UBXN7: variants seen among roughly 807,000 people sequenced by gnomAD.
UBXN7 encodes UBX domain-containing protein 7.
UBXN7 carries 9 observed loss-of-function variants against 58.0 expected under a neutral mutation model. The ratio of observed to expected loss-of-function variants is 0.16; its 90% confidence interval spans 0.09 to 0.27. The LOEUF (loss-of-function observed/expected upper bound fraction) is 0.27, where lower values mean the gene tolerates loss of function less well. UBXN7 is among the 10% of genes least tolerant of loss of function. The pLI is 1.00. For synonymous variants in UBXN7, 208 were observed against 205.0 expected (o/e 1.01, Z -0.12); for missense variants, 328 against 599.6 (o/e 0.55, Z 4.73).
In UBXN7 at chr3:196,369,525, G is replaced by T; in HGVS notation, c.616-14C>A. On this transcript the variant is annotated splice_polypyrimidine_tract_variant and intron_variant, in intron 6 of 10. Transcript: ENST00000296328. ...GTCATGATAAACCTGTTAAATCATT[G>T]ATATAAAAAAAAAAGTCAGCCTCTA... The T allele has an allele frequency of 6.3e-7, 1 of 1,577,712 alleles. No individual in the cohort carries two copies. Among genetic ancestry groups the T allele is most frequent in the Non-Finnish European group, 8.6e-7 (1 of 1,161,248 alleles).
Position 196,355,614 on chromosome 3 carries a change from T to A in UBXN7, c.*1071A>T, listed in dbSNP as rs1444090327. 6.6e-6 allele frequency: 1 copy of A among 152,238 alleles called. No individual in the cohort carries two copies. The highest frequency in any genetic ancestry group is 6.5e-5 in the Admixed American group (1 of 15,286). The allele number at this position is 152,238 out of a possible 1,614,324, so 9.4% of individuals were successfully genotyped here. Reference sequence around the variant, plus strand: ...TCAGTCACCAGAGCCTTTTAGAGACTATTCCAACCAGGGGCAAAAAATGAA... The same window carrying A: ...TCAGTCACCAGAGCCTTTTAGAGACAATTCCAACCAGGGGCAAAAAATGAA... On this transcript the variant is annotated 3_prime_UTR_variant, in exon 11 of 11. Coordinates refer to ENST00000296328, the MANE Select transcript of UBXN7 (RefSeq NM_015562.2).
At position 196,432,079 on chromosome 3, in the gene UBXN7, C is replaced by A. The variant is rs1032048536; in HGVS notation, c.73+248G>T. 4.7e-5 allele frequency: 29 copies of A among 617,254 alleles called. 1 individual carries two copies. In the African/African-American group the frequency reaches 5.1e-4, roughly 11 times the overall value. The allele number at this position is 617,254 out of a possible 1,614,324, so 38.2% of individuals were successfully genotyped here. On this transcript the variant is annotated intron_variant, in intron 1 of 10. Transcript: ENST00000296328. ...CGGCCCATTCCCAGGTCTGGGCTGGCGGGGGGTTGGGGGATCTCCCTCCAC... is the reference window on the plus strand; with the variant it reads ...CGGCCCATTCCCAGGTCTGGGCTGGAGGGGGGTTGGGGGATCTCCCTCCAC...
chr3:196,362,378 G>C lies in UBXN7; in HGVS notation c.1144C>G (p.Gln382Glu), dbSNP rs866340815. 5 of 1,614,038 alleles carry C rather than the reference G, an allele frequency of 3.1e-6. No homozygotes were observed. Among genetic ancestry groups the C allele is most frequent in the Non-Finnish European group, 8.5e-7 (1 of 1,180,040 alleles). The change falls in exon 9 of 11, where the codon CAA (glutamine) becomes GAA (glutamate). Residue 382 changes from glutamine (Q) to glutamate (E), a missense_variant. Physicochemically the swap from Gln to Glu is conservative, Grantham distance 29 (BLOSUM62 2). Around this residue, in one of 4 missense-constraint regions of UBXN7, gnomAD observed 66 missense variants for 77.9 expected, o/e 0.85. Transcript: ENST00000296328. ...RTDPGTATNH[Q>E]GLPAVDSEIL... ...TCTGAATCCACAGCTGGCAATCCTT[G>C]GTGGTTTGTGGCTGTTCCAGGATCA... is the stretch of plus-strand genomic sequence containing the variant.
At chr3:196,369,354 G>T in intron 7 of UBXN7, 67 bp downstream of exon 7, 1 of 1,240,644 alleles carries the variant, frequency 8.1e-7, no homozygotes, top group South Asian at 1.3e-5. Context: ...AAATATTAAA[G>T]ATCAATCATT....
intron 3 of UBXN7, among the ~76,000 whole-genome samples, chr3:196,401,261 AAAAAAAAAAAAAAATAT>A (rs1729955649): frequency 1.2e-5 from 1 of 85,542 alleles, no homozygotes; most frequent in Non-Finnish European, 2.2e-5. Context: ...AAAAAAAAAA[AAAAAAAAAAAAAAATAT>A]ATATATATAT....
In UBXN7 at chr3:196,362,535, G is replaced by A. The variant is rs374170746; in HGVS notation, c.987C>T (p.Phe329=). Residue 329 remains phenylalanine, a synonymous_variant, in exon 9 of 11, where the codon TTC becomes TTT. Transcript: ENST00000296328. ...ESELFSGSEE[F]ISVCGSDEEE... ...CTTCATCAGAGCCACAAACGGATAT[G>A]AACTCCTCACTGCCAGAAAAAAGTT... 30 of 1,614,042 alleles carry A rather than the reference G, an allele frequency of 1.9e-5. No homozygotes were observed. Among genetic ancestry groups the A allele is most frequent in the Non-Finnish European group, 2.5e-5 (30 of 1,180,048 alleles).
chr3:196,392,448 T>C (rs1577456293), intron 4 of UBXN7, among the ~76,000 whole-genome samples: 1 of 150,706 alleles, frequency 6.6e-6, no homozygotes, highest in Admixed American at 6.6e-5. Context: ...GAGGTTGCAG[T>C]GAGCAGAGAT....
intron 2 of UBXN7, among the ~76,000 whole-genome samples, chr3:196,405,655 A>C (rs1416971920): frequency 6.6e-6 from 1 of 152,050 alleles, no homozygotes; most frequent in Non-Finnish European, 1.5e-5. Context: ...AAATGCATCA[A>C]TTAGAGGGGT....
rs372484171 is a variant in UBXN7, at chr3:196,356,529, C to A, written c.*156G>T. On this transcript the variant is annotated 3_prime_UTR_variant, in exon 11 of 11. Transcript: ENST00000296328. ...AAAGAAACAAAGGGGGAGAAAGAGA[C>A]TGATTATAGGAGAGATCAAGAAATA... 9.6e-6 allele frequency: 7 copies of A among 727,110 alleles called. No individual in the cohort carries two copies. Among genetic ancestry groups the A allele is most frequent in the African/African-American group, 1.9e-5 (1 of 53,842 alleles). 45.0% of individuals were successfully genotyped at this position (727,110 alleles called of 1,614,324 possible). A position where few individuals can be genotyped will look rare whatever the true frequency, so the allele number is the denominator to read the frequency against.
chr3:196,383,779 C>T (rs550039730), intron 5 of UBXN7, among the ~76,000 whole-genome samples: 11 of 152,302 alleles, frequency 7.2e-5, no homozygotes, highest in African/African-American at 2.6e-4. Context: ...GTAACAGAAT[C>T]TCTGGGACAC....
rs942747360 is a variant in UBXN7, at chr3:196,349,601, G to C, written c.*7084C>G. ...TGTCATCAAACTGAAATGGACCCTC[G>C]TGACGGGCACTATGGAACCAGCTAC... On this transcript the variant is annotated 3_prime_UTR_variant, in exon 11 of 11. Coordinates refer to ENST00000296328, the MANE Select transcript of UBXN7 (RefSeq NM_015562.2). The C allele has an allele frequency of 6.6e-6, 1 of 152,084 alleles. No homozygotes were observed. Among genetic ancestry groups the C allele is most frequent in the Admixed American group, 6.6e-5 (1 of 15,264 alleles). The allele number at this position is 152,084 out of a possible 1,614,324, so 9.4% of individuals were successfully genotyped here.
At chr3:196,430,309 C>A (rs763136480) in intron 1 of UBXN7, among the ~76,000 whole-genome samples, 1 of 151,670 alleles carries the variant, frequency 6.6e-6, no homozygotes, top group Non-Finnish European at 1.5e-5. Context: ...GAGCCAAGAT[C>A]GTGCCTGGGA....
rs756970987 is a variant in UBXN7, at chr3:196,391,775, G to A, written c.468+38C>T. The A allele has an allele frequency of 2.0e-5, 30 of 1,478,036 alleles. No homozygotes were observed. The South Asian group carries it at 2.5e-4, about 12-fold the overall frequency. 91.6% of individuals were successfully genotyped at this position (1,478,036 alleles called of 1,614,324 possible). A position where few individuals can be genotyped will look rare whatever the true frequency, so the allele number is the denominator to read the frequency against. The stretch of plus-strand genomic sequence containing the variant: ...AAAAAAAGGCATTGAAAATGCAAAA[G>A]GATTCATAGTTAAGGCACTGACTCT... On this transcript the variant is annotated intron_variant, in intron 5 of 10. Coordinates refer to ENST00000296328, the MANE Select transcript of UBXN7 (RefSeq NM_015562.2).
At chr3:196,401,288 TATATATATATAC>T (rs1214035676) in intron 3 of UBXN7, among the ~76,000 whole-genome samples, 50 of 78,616 alleles carry the variant, frequency 6.4e-4, no homozygotes, top group African/African-American at 2.8e-3. Context: ...TATATATATA[TATATATATATAC>T]ACACACACAC....
Position 196,432,346 on chromosome 3 carries a change from T to C in UBXN7, c.54A>G (p.Gln18=), listed in dbSNP as rs955397569. 1.6e-5 allele frequency: 26 copies of C among 1,611,098 alleles called. No individual in the cohort carries two copies. The highest frequency in any genetic ancestry group is 1.3e-4 in the Admixed American group (8 of 59,926). The change falls in exon 1 of 11, where the codon CAA becomes CAG. Residue 18 remains glutamine (Q), a synonymous_variant. Coordinates refer to ENST00000296328, the MANE Select transcript of UBXN7 (RefSeq NM_015562.2). The stretch of plus-strand genomic sequence containing the variant: ...TCTTACCGGTAATGGTGGTGAACTG[T>C]TGAATTAACCCCTTCAGCGCCGAGG... ...AASSALKGLI[Q]QFTTITGASE... is the part of the protein sequence containing the mutation.
intron 3 of UBXN7, among the ~76,000 whole-genome samples, chr3:196,398,026 G>C (rs1729829423): frequency 6.6e-6 from 1 of 152,178 alleles, no homozygotes; most frequent in South Asian, 2.1e-4. Flanking sequence ...GTACAGGCAG[G>C]ATTGAACAGA....
chr3:196,362,783 T>C, intron 8 of UBXN7, 96 bp from the exon 9 acceptor site: 2 of 1,443,896 alleles, frequency 1.4e-6, no homozygotes, highest in South Asian at 1.4e-5. Flanking sequence ...CCATTCATTA[T>C]TATGTTCTGC....
chr3:196,431,941 G>A (rs766064016), intron 1 of UBXN7: 12 of 408,994 alleles, frequency 2.9e-5, no homozygotes, highest in South Asian at 2.2e-4. Flanking sequence ...CCGCACCGCA[G>A]GGCTGCACAG....
intron 6 of UBXN7, among the ~76,000 whole-genome samples, chr3:196,370,735 A>T (rs148923539): frequency 3.3e-5 from 5 of 151,852 alleles, no homozygotes; most frequent in Admixed American, 6.6e-5. Flanking sequence ...AAAATAAAAA[A>T]ATTGAGCCGG....
Sources: gnomAD v4.1 joint callset for allele counts (sites outside exome capture counted in the v4.1 genomes callset) on GRCh38, gnomAD v4.1.1 for gene constraint, gnomAD v4.1.1 regional missense constraint, MANE v1.5 for transcripts, NCBI Gene and HGNC (gene_info 2026-07-23, HGNC 2026-07-21) for gene names.